The following MYO10 variants were observed in gnomAD, a reference collection of about 807,000 sequenced individuals.
MYO10 encodes myosin X, also known as unconventional myosin-X.
MYO10 carries 133 observed loss-of-function variants against 257.3 expected under a neutral mutation model. The ratio of observed to expected loss-of-function variants is 0.52; its 90% CI spans 0.45 to 0.60. The LOEUF is 0.60. Ranked by LOEUF, MYO10 falls within the 20% of genes least tolerant of loss-of-function variation. MYO10 has a pLI of 0.00. For missense variants in MYO10, 2,399 were observed against 2,635.7 expected (o/e 0.91, Z 1.97); for synonymous variants, 1,104 against 1,028.6 (o/e 1.07, Z -1.40).
intron 9 of MYO10, among the ~76,000 whole-genome samples, chr5:16,773,750 T>A (rs899664202): frequency 6.6e-6 from 1 of 151,952 alleles, no homozygotes; most frequent in African/African-American, 2.4e-5. Context: ...AATAAAAATT[T>A]TTGGTTAAGT....
Position 16,701,765 on chromosome 5 carries a change from T to C in MYO10, c.2630A>G (p.Glu877Gly), listed in dbSNP as rs1183989162. Residue 877 changes from glutamate to glycine, a missense_variant, in exon 25 of 41, where the codon GAA (glutamate) becomes GGA (glycine). By Grantham distance (98) the Glu-to-Gly change is moderately conservative (BLOSUM62 -2). Around this residue, in one of 3 missense-constraint regions of MYO10, gnomAD observed 1,820 missense variants for 1,939.4 expected, o/e 0.94. Coordinates refer to ENST00000513610, the MANE Select transcript of MYO10 (RefSeq NM_012334.3). The surrounding 1 kb of genome is among the most constrained non-coding windows in gnomAD (Gnocchi z 8.1). ...KSQKEAELTRELEKQKENKQV... is the reference protein window; with the variant it reads ...KSQKEAELTRGLEKQKENKQV... Reference sequence around the variant, plus strand: ...CTTATTTTCCTTCTGTTTCTCCAGTTCACGGGTCAGTTCAGCTTCCTTCTG... The same window carrying C: ...CTTATTTTCCTTCTGTTTCTCCAGTCCACGGGTCAGTTCAGCTTCCTTCTG... The C allele has an allele frequency of 6.2e-7, 1 of 1,614,022 alleles. No individual in the cohort carries two copies. Among genetic ancestry groups the C allele is most frequent in the Admixed American group, 1.7e-5 (1 of 60,024 alleles).
chr5:16,917,389 T>C (rs907809783), intron 1 of MYO10, among the ~76,000 whole-genome samples: 1 of 152,134 alleles, frequency 6.6e-6, no homozygotes. Context: ...ATCTTCATTG[T>C]GGGGGCTGCC....
chr5:16,791,199 T>C (rs1323481849), intron 4 of MYO10, among the ~76,000 whole-genome samples: 1 of 152,130 alleles, frequency 6.6e-6, no homozygotes, highest in Non-Finnish European at 1.5e-5. Context: ...GTTTTTAAAG[T>C]AGTAAAACAC....
chr5:16,827,000 C>T (rs950808384), intron 2 of MYO10, among the ~76,000 whole-genome samples: 3 of 152,152 alleles, frequency 2.0e-5, no homozygotes, highest in South Asian at 2.1e-4. Flanking sequence ...ACTTTTATGG[C>T]GTTCCTTTGC....
chr5:16,891,073 A>G (rs1745034523), intron 1 of MYO10, among the ~76,000 whole-genome samples: 2 of 151,740 alleles, frequency 1.3e-5, no homozygotes, highest in South Asian at 4.1e-4. Context: ...ACATGAGGTC[A>G]GGTGTTAGAG....
intron 2 of MYO10, among the ~76,000 whole-genome samples, chr5:16,853,154 C>G (rs1176334898): frequency 6.6e-6 from 1 of 152,026 alleles, no homozygotes; most frequent in Non-Finnish European, 1.5e-5. Context: ...GCGGATCACA[C>G]AGTCAGGAGA....
chr5:16,805,297 T>C (rs2126691773), intron 3 of MYO10, among the ~76,000 whole-genome samples: 1 of 151,860 alleles, frequency 6.6e-6, no homozygotes, highest in South Asian at 2.1e-4. Context: ...ACCCCGTCTC[T>C]ACTAAAAATA....
Position 16,664,730 on chromosome 5 carries a change from T to A in MYO10, c.*1962A>T, listed in dbSNP as rs1483519748. On this transcript the variant is annotated 3_prime_UTR_variant, in exon 41 of 41. Coordinates refer to ENST00000513610, the MANE Select transcript of MYO10 (RefSeq NM_012334.3). ...GATCAGGCACACTTTGGGGCTGACA[T>A]AGGGGACTGTCTGACATAAACACAT... is the stretch of plus-strand genomic sequence containing the variant. 1 of 152,196 alleles carries A rather than the reference T, an allele frequency of 6.6e-6. No homozygotes were observed. Among genetic ancestry groups the A allele is most frequent in the African/African-American group, 2.4e-5 (1 of 41,432 alleles). The allele number at this position is 152,196 out of a possible 1,614,324, so 9.4% of individuals were successfully genotyped here. A position where few individuals can be genotyped will look rare whatever the true frequency, so the allele number is the denominator to read the frequency against.
chr5:16,823,502 C>T (rs1297831172), intron 2 of MYO10, among the ~76,000 whole-genome samples: 9 of 66,312 alleles, frequency 1.4e-4, no homozygotes, highest in Admixed American at 4.5e-4. Flanking sequence ...GACAGAGTCT[C>T]ACTCTGTCGC....
At chr5:16,716,331 C>A in intron 19 of MYO10, among the ~76,000 whole-genome samples, 1 of 151,972 alleles carries the variant, frequency 6.6e-6, no homozygotes, top group Non-Finnish European at 1.5e-5. Flanking sequence ...GCAATCCTTA[C>A]CTCCTGCAGC....
intron 19 of MYO10, among the ~76,000 whole-genome samples, chr5:16,712,157 G>C (rs1205189595): frequency 6.6e-6 from 1 of 152,004 alleles, no homozygotes; most frequent in Non-Finnish European, 1.5e-5. Context: ...ACGCTAGCCG[G>C]TTTGGAAGAC....
chr5:16,875,517 CT>C (rs2126760421), intron 2 of MYO10, among the ~76,000 whole-genome samples: 1 of 152,322 alleles, frequency 6.6e-6, no homozygotes, highest in East Asian at 1.9e-4. Context: ...AGTGTCCACA[CT>C]GTCAGTGACC....
chr5:16,858,304 G>A (rs1011707596), intron 2 of MYO10, among the ~76,000 whole-genome samples: 1 of 152,088 alleles, frequency 6.6e-6, no homozygotes, highest in Admixed American at 6.5e-5. Context: ...TGTAGGCAAG[G>A]GCTGCAGTTT....
intron 3 of MYO10, among the ~76,000 whole-genome samples, chr5:16,802,375 G>A (rs1388833576): frequency 6.6e-6 from 1 of 151,950 alleles, no homozygotes; most frequent in Non-Finnish European, 1.5e-5. Context: ...GAAAAAAATA[G>A]GAGCCGGGTG....
chr5:16,830,520 C>G (rs1743132146), intron 2 of MYO10, among the ~76,000 whole-genome samples: 1 of 152,010 alleles, frequency 6.6e-6, no homozygotes, highest in African/African-American at 2.4e-5. Flanking sequence ...GATGTTCAAA[C>G]TCTTCGAGCC....
chr5:16,838,106 C>A (rs1743367281), intron 2 of MYO10, among the ~76,000 whole-genome samples: 1 of 152,084 alleles, frequency 6.6e-6, no homozygotes, highest in African/African-American at 2.4e-5. Flanking sequence ...GAAATTGGGC[C>A]AATGAAATAA....
chr5:16,871,224 G>C (rs1744448280), intron 2 of MYO10, among the ~76,000 whole-genome samples: 1 of 152,084 alleles, frequency 6.6e-6, no homozygotes, highest in Non-Finnish European at 1.5e-5. Flanking sequence ...AACATACCAA[G>C]CTGGGTCAAA....
Position 16,760,137 on chromosome 5 carries a change from C to T in MYO10, c.1739+1327G>A, listed in dbSNP as rs534189687. Among the ~76,000 whole-genome samples the T allele has an allele frequency of 1.2e-4, 18 of 152,020 alleles. No homozygotes were observed. The South Asian group carries it at 3.7e-3, about 32-fold the overall frequency. On this transcript the variant is annotated intron_variant, in intron 17 of 40. Transcript: ENST00000513610. ...AGGGTTTTTTCCCTAAACTCTTTCT[C>T]TCTTACAAAGCCTCCTAAAAATAGT...
intron 33 of MYO10, among the ~76,000 whole-genome samples, chr5:16,676,677 C>T (rs1207308881): frequency 1.3e-5 from 2 of 152,222 alleles, no homozygotes; most frequent in Admixed American, 1.3e-4. Flanking sequence ...GATCATGCCA[C>T]GGCACTCCAG....
Sources: allele counts gnomAD v4.1 joint callset (sites outside exome capture counted in the v4.1 genomes callset), GRCh38; gene constraint gnomAD v4.1.1; regional missense constraint gnomAD v4.1.1; non-coding constraint Gnocchi (gnomAD v3.1); transcripts MANE v1.5; gene names NCBI Gene and HGNC (gene_info 2026-07-23, HGNC 2026-07-21).